TJP1: variants seen among roughly 807,000 people sequenced by gnomAD.
The protein encoded by TJP1 is tight junction protein 1.
In TJP1, 43 loss-of-function variants were observed where a neutral mutation model predicts 194.2. That is an observed-to-expected ratio of 0.22 (90% CI 0.17 to 0.29). The LOEUF is 0.29. Ranked by LOEUF, TJP1 falls within the 10% of genes least tolerant of loss-of-function variation. The pLI is 1.00. For missense variants in TJP1, 1,971 were observed against 2,185.7 expected (o/e 0.90, Z 1.96); for synonymous variants, 801 against 779.0 (o/e 1.03, Z -0.47).
In TJP1 at chr15:29,785,823, A is replaced by G. The variant is rs1445352158; in HGVS notation, c.85-12466T>C. Among the ~76,000 whole-genome samples, 3 of 152,162 alleles carry G rather than the reference A, an allele frequency of 2.0e-5. No homozygotes were observed. The East Asian group carries it at 5.8e-4, about 29-fold the overall frequency. On this transcript the variant is annotated intron_variant, in intron 2 of 27. Coordinates refer to ENST00000614355, the MANE Select transcript of TJP1 (RefSeq NM_001330239.4). The stretch of plus-strand genomic sequence containing the variant: ...ATCACAGAATTTGAAAACCAGATGG[A>G]GCCTCAGCAATTGTCTGTTCCAGCT...
intron 1 of TJP1, among the ~76,000 whole-genome samples, chr15:29,806,053 T>C (rs993586185): frequency 6.6e-6 from 1 of 152,156 alleles, no homozygotes; most frequent in Non-Finnish European, 1.5e-5. Context: ...TAAACTCAAA[T>C]GGAAGACACT....
chr15:29,738,131 C>T (rs890415073), intron 10 of TJP1, among the ~76,000 whole-genome samples: 4 of 152,074 alleles, frequency 2.6e-5, no homozygotes, highest in Admixed American at 2.0e-4. Context: ...TGTGACATTC[C>T]TTAAAACAAA....
intron 2 of TJP1, among the ~76,000 whole-genome samples, chr15:29,930,165 T>G (rs2054660758): frequency 6.6e-6 from 1 of 152,092 alleles, no homozygotes; most frequent in Non-Finnish European, 1.5e-5. Flanking sequence ...GCAAATCATA[T>G]CAAACATTCA....
intron 2 of TJP1, among the ~76,000 whole-genome samples, chr15:29,798,563 C>T (rs552717994): frequency 1.5e-4 from 23 of 152,176 alleles, no homozygotes; most frequent in South Asian, 1.2e-3. Flanking sequence ...TACGCAACAA[C>T]GGGAGCTCTT....
At chr15:29,856,044 A>G (rs983741371) in intron 2 of TJP1, among the ~76,000 whole-genome samples, 3 of 152,236 alleles carry the variant, frequency 2.0e-5, no homozygotes, top group Admixed American at 1.3e-4. Flanking sequence ...CATAAGAGCC[A>G]AAAAGCAAAA....
At chr15:29,711,102 G>A in intron 23 of TJP1, 102 bp from the exon 24 acceptor site, 4 of 1,337,494 alleles carry the variant, frequency 3.0e-6, no homozygotes, top group Non-Finnish European at 4.0e-6. Context: ...AAAAAAACTA[G>A]AAATTTCACA....
chr15:29,741,311 C>T lies in TJP1; in HGVS notation c.1256+20G>A. On this transcript the variant is annotated intron_variant, in intron 10 of 27. Coordinates refer to ENST00000614355, the MANE Select transcript of TJP1 (RefSeq NM_001330239.4). ...TTAATAATGAACAAAGAAAACAATA[C>T]AACTTTAAAATTGTATTACCGAAGA... 1 of 1,542,784 alleles carries T rather than the reference C, an allele frequency of 6.5e-7. No homozygotes were observed. Among genetic ancestry groups the T allele is most frequent in the Non-Finnish European group, 8.8e-7 (1 of 1,130,922 alleles).
intron 2 of TJP1, among the ~76,000 whole-genome samples, chr15:29,950,519 A>G (rs2055707742): frequency 6.6e-6 from 1 of 152,088 alleles, no homozygotes; most frequent in Non-Finnish European, 1.5e-5. Flanking sequence ...ATAACCACTC[A>G]ATCATCACCG....
At chr15:29,748,540 C>T (rs1259065664) in intron 8 of TJP1, among the ~76,000 whole-genome samples, 1 of 142,154 alleles carries the variant, frequency 7.0e-6, no homozygotes, top group Non-Finnish European at 1.5e-5. Context: ...TAATGAATCA[C>T]ATTTTTCCCA....
chr15:29,954,422 C>T (rs1414324242), intron 2 of TJP1, among the ~76,000 whole-genome samples: 2 of 151,942 alleles, frequency 1.3e-5, no homozygotes, highest in African/African-American at 4.8e-5. Flanking sequence ...ATGTTTTGCA[C>T]AATAGAAAAA....
intron 2 of TJP1, among the ~76,000 whole-genome samples, chr15:29,923,174 C>A (rs1475485821): frequency 1.3e-5 from 2 of 152,134 alleles, no homozygotes; most frequent in Non-Finnish European, 2.9e-5. Context: ...TAGAAATTCA[C>A]CCACAAAAGA....
chr15:29,741,059 G>T, intron 10 of TJP1: 2 of 233,544 alleles, frequency 8.6e-6, no homozygotes, highest in Non-Finnish European at 1.6e-5. Flanking sequence ...TCTGATGTCT[G>T]AATAGAATTT....
intron 2 of TJP1, among the ~76,000 whole-genome samples, chr15:29,882,487 T>C (rs2052971102): frequency 6.6e-6 from 1 of 152,164 alleles, no homozygotes; most frequent in Non-Finnish European, 1.5e-5. Flanking sequence ...AAACAAATCA[T>C]TCAATAGACT....
chr15:29,719,918 G>C lies in TJP1; in HGVS notation c.2862C>G (p.Val954=). 1.9e-6 allele frequency: 3 copies of C among 1,614,176 alleles called. No individual in the cohort carries two copies. The highest frequency in any genetic ancestry group is 1.7e-6 in the Non-Finnish European group (2 of 1,180,034). Residue 954 remains valine (V), a synonymous_variant, in exon 20 of 28, where the codon GTC becomes GTG. Coordinates refer to ENST00000614355, the MANE Select transcript of TJP1 (RefSeq NM_001330239.4). ...AVNHNVNLTN[V]RLEEPTPAPS... ...GAGCTGGGGTGGGCTCCTCCAGTCT[G>C]ACATTAGTTAAATTTACATTATGAT...
At chr15:29,826,513 T>C (rs965751541), upstream of TJP1, among the ~76,000 whole-genome samples, 2 of 152,264 alleles carry the variant, frequency 1.3e-5, no homozygotes, top group African/African-American at 4.8e-5. Context: ...AAAACAGACA[T>C]TAAGGAATAG....
chr15:29,792,514 G>A (rs1452869699), intron 2 of TJP1, among the ~76,000 whole-genome samples: 1 of 152,180 alleles, frequency 6.6e-6, no homozygotes. Flanking sequence ...GTCACATAAT[G>A]TATGTAATGT....
At chr15:29,827,638 T>G (rs1415559757) in intron 2 of TJP1, among the ~76,000 whole-genome samples, 3 of 152,216 alleles carry the variant, frequency 2.0e-5, no homozygotes, top group Admixed American at 6.5e-5. Flanking sequence ...TGTTGCACAA[T>G]ATAAACAGTA....
rs751598729 is a variant in TJP1 at position 29,734,306 on chromosome 15, T to A, written c.1484A>T (p.Glu495Val). The A allele has an allele frequency of 3.1e-6, 5 of 1,612,744 alleles. No individual in the cohort carries two copies. The highest frequency in any genetic ancestry group is 1.1e-5 in the South Asian group (1 of 90,680). The change falls in exon 12 of 28, where the codon GAA becomes GTA. Residue 495 changes from glutamate (E) to valine (V), a missense_variant. Glu to Val is a moderately radical substitution (Grantham distance 121). Around this residue, in one of 5 missense-constraint regions of TJP1, gnomAD observed 402 missense variants for 484.2 expected, o/e 0.83. Transcript: ENST00000614355. ...LFLLDLPKGEEVTILAQKKKD... is the reference protein window; with the variant it reads ...LFLLDLPKGEVVTILAQKKKD... Reference sequence around the variant, plus strand: ...CTTCTTCTGAGCCAATATGGTCACTTCTTCTCCTTTAGGGAGGTCAAGCAG... The same window carrying A: ...CTTCTTCTGAGCCAATATGGTCACTACTTCTCCTTTAGGGAGGTCAAGCAG...
intron 1 of TJP1, chr15:29,968,254 A>C: frequency 1.0e-6 from 1 of 985,316 alleles, no homozygotes; most frequent in South Asian, 4.7e-5. Flanking sequence ...AATAACTGAA[A>C]ACGCACACCG....
Sources: allele counts gnomAD v4.1 joint callset (sites outside exome capture counted in the v4.1 genomes callset), GRCh38; gene constraint gnomAD v4.1.1; regional missense constraint gnomAD v4.1.1; transcripts MANE v1.5; gene names NCBI Gene and HGNC (gene_info 2026-07-23, HGNC 2026-07-21).